SLC37A2: variants seen among roughly 807,000 people sequenced by gnomAD.
SLC37A2 encodes the protein glucose-6-phosphate exchanger SLC37A2.
Under a neutral mutation model 70.7 loss-of-function variants are expected in SLC37A2, and 59 were observed. That is an observed-to-expected ratio of 0.83 (90% confidence interval 0.68 to 1.04). The LOEUF (loss-of-function observed/expected upper bound fraction) is 1.04. SLC37A2 is among the 50% of genes least tolerant of loss of function. The pLI is 0.00. For synonymous variants in SLC37A2, 257 were observed against 262.1 expected (o/e 0.98, Z 0.19); for missense variants, 580 against 658.1 (o/e 0.88, Z 1.30).
At chr11:125,081,385 T>A (rs1165541508) in intron 7 of SLC37A2, 36 bp from the exon 8 acceptor site, 9 of 1,583,216 alleles carry the variant, frequency 5.7e-6, no homozygotes, top group Admixed American at 1.7e-5. Flanking sequence ...GGGGCGGGGG[T>A]TGGGAAACTT....
Position 125,080,705 on chromosome 11 carries a change from T to C in SLC37A2, c.619T>C (p.Trp207Arg). 6.3e-7 allele frequency: 1 copy of C among 1,580,306 alleles called. No homozygotes were observed. Among genetic ancestry groups the C allele is most frequent in the South Asian group, 1.2e-5 (1 of 86,784 alleles). The change falls in exon 7 of 18, where the codon TGG becomes CGG. Residue 207 changes from tryptophan (W) to arginine (R), a missense_variant. Trp to Arg is a moderately radical substitution (Grantham distance 101). Coordinates refer to ENST00000403796, the MANE Select transcript of SLC37A2 (RefSeq NM_001145290.2). The surrounding 1 kb of genome is among the most constrained non-coding windows in gnomAD (Gnocchi z 4.3). ...CGCCGGCATCTGGGTGAACGGGCAG[T>C]GGGGCCTGTCGTTCATCGTGCCTGG... ...LIAGIWVNGQ[W>R]GLSFIVPGII...
Position 125,080,042 on chromosome 11 carries a change from C to G in SLC37A2, c.527+282C>G, listed in dbSNP as rs1419874156. On this transcript the variant is annotated intron_variant, in intron 6 of 17. Coordinates refer to ENST00000403796, the MANE Select transcript of SLC37A2 (RefSeq NM_001145290.2). This position sits in a 1 kb window ranked among gnomAD's most constrained non-coding sequence, Gnocchi z 4.3. ...GCCTATAAAACTTCCGCCCTGCCCC[C>G]CAACCCCGACCCCGAATTGGCTTGT... 6.6e-6 allele frequency among the ~76,000 whole-genome samples: 1 copy of G among 152,178 alleles called. No individual in the cohort carries two copies. The highest frequency in any genetic ancestry group is 6.5e-5 in the Admixed American group (1 of 15,286).
intron 6 of SLC37A2, 60 bp downstream of exon 6, chr11:125,079,820 G>A: frequency 7.7e-7 from 1 of 1,298,048 alleles, no homozygotes; most frequent in East Asian, 2.4e-5. Flanking sequence ...TCCTGAGCTG[G>A]TCACCGTGGC....
Position 125,088,121 on chromosome 11 carries a change from A to G in SLC37A2, c.1493A>G (p.Tyr498Cys). ...WKVSLSRGSGYKEI is the reference protein window; with the variant it reads ...WKVSLSRGSGCKEI Reference sequence around the variant, plus strand: ...TCCCCCCTCTCCTCTTCATGCAGGTATAAAGAAATATGAGGCCCCAATTGG... The same window carrying G: ...TCCCCCCTCTCCTCTTCATGCAGGTGTAAAGAAATATGAGGCCCCAATTGG... The change falls in exon 18 of 18, where the codon TAT becomes TGT. Residue 498 changes from tyrosine (Y) to cysteine (C), a missense_variant and splice_region_variant. By Grantham distance (194) the Tyr-to-Cys change is radical (BLOSUM62 -2). Coordinates refer to ENST00000403796, the MANE Select transcript of SLC37A2 (RefSeq NM_001145290.2). 6.4e-7 allele frequency: 1 copy of G among 1,551,780 alleles called. No homozygotes were observed. Among genetic ancestry groups the G allele is most frequent in the Non-Finnish European group, 8.7e-7 (1 of 1,147,014 alleles).
chr11:125,081,927 A>G, intron 9 of SLC37A2, 21 bp downstream of exon 9: 4 of 1,583,522 alleles, frequency 2.5e-6, no homozygotes, highest in Non-Finnish European at 3.4e-6. Flanking sequence ...TGTGGAATGG[A>G]GGAAAGAGAG....
intron 9 of SLC37A2, 149 bp downstream of exon 9, chr11:125,082,055 G>A: frequency 1.9e-6 from 2 of 1,056,978 alleles, no homozygotes; most frequent in Admixed American, 2.4e-5. Context: ...GGAGGGCAGT[G>A]TGGGAGATTT....
chr11:125,067,304 T>C (rs1948991474), intron 1 of SLC37A2, among the ~76,000 whole-genome samples: 1 of 152,162 alleles, frequency 6.6e-6, no homozygotes, highest in African/African-American at 2.4e-5. Context: ...CAGTAACATT[T>C]TAAATAATAA....
At position 125,083,984 on chromosome 11, in the gene SLC37A2, A is replaced by T. The variant is rs190661441; in HGVS notation, c.1039+107A>T. The T allele has an allele frequency of 2.3e-4, 268 of 1,183,300 alleles. No homozygotes were observed. The African/African-American group carries it at 3.7e-3, about 16-fold the overall frequency. 73.3% of individuals were successfully genotyped at this position (1,183,300 alleles called of 1,614,324 possible). A position where few individuals can be genotyped will look rare whatever the true frequency, so the allele number is the denominator to read the frequency against. ...GGCTATGACCTGGGTAGGTGGCACC[A>T]GAGGAAAAATGGCTCCTGGGTTTAT... On this transcript the variant is annotated intron_variant, in intron 11 of 17. Coordinates refer to ENST00000403796, the MANE Select transcript of SLC37A2 (RefSeq NM_001145290.2). The surrounding 1 kb of genome is among the most constrained non-coding windows in gnomAD (Gnocchi z 4.6).
At chr11:125,073,650 T>C (rs1272346535) in intron 1 of SLC37A2, among the ~76,000 whole-genome samples, 2 of 152,254 alleles carry the variant, frequency 1.3e-5, no homozygotes, top group African/African-American at 2.4e-5. Flanking sequence ...GCTTTTCCAA[T>C]GAGCAAAAAG....
intron 1 of SLC37A2, among the ~76,000 whole-genome samples, chr11:125,066,293 T>G (rs911557815): frequency 2.0e-5 from 3 of 152,194 alleles, no homozygotes; most frequent in Non-Finnish European, 4.4e-5. Flanking sequence ...TCCCAGCTAC[T>G]CAAGAGGCTG....
Position 125,080,951 on chromosome 11 carries a change from A to G in SLC37A2, c.694+171A>G, listed in dbSNP as rs529989203. Among the ~76,000 whole-genome samples, 1 of 152,276 alleles carries G rather than the reference A, an allele frequency of 6.6e-6. No homozygotes were observed. Among genetic ancestry groups the G allele is most frequent in the East Asian group, 1.9e-4 (1 of 5,184 alleles). ...TCTCATTTGTAAAATAATAATAGTA[A>G]TAATAATGTCTATTTCGTAGGATTT... is the stretch of plus-strand genomic sequence containing the variant. On this transcript the variant is annotated intron_variant, in intron 7 of 17. Coordinates refer to ENST00000403796, the MANE Select transcript of SLC37A2 (RefSeq NM_001145290.2). The surrounding 1 kb of genome is among the most constrained non-coding windows in gnomAD (Gnocchi z 4.3).
At chr11:125,065,945 A>G (rs901578453) in intron 1 of SLC37A2, among the ~76,000 whole-genome samples, 1 of 152,238 alleles carries the variant, frequency 6.6e-6, no homozygotes, top group African/African-American at 2.4e-5. Context: ...AGAAAGAGAA[A>G]GGTCTTCCTT....
intron 1 of SLC37A2, among the ~76,000 whole-genome samples, chr11:125,068,695 C>T (rs1178008059): frequency 6.6e-6 from 1 of 152,170 alleles, no homozygotes; most frequent in Admixed American, 6.5e-5. Context: ...TATACATTGC[C>T]TGGTATACAG....
intron 1 of SLC37A2, among the ~76,000 whole-genome samples, chr11:125,069,360 A>G (rs1317483622): frequency 2.0e-5 from 3 of 152,232 alleles, no homozygotes; most frequent in African/African-American, 7.2e-5. Flanking sequence ...TGGGTGGGGA[A>G]AAGATTACAT....
Position 125,085,031 on chromosome 11 carries a change from T to C in SLC37A2, c.1175-35T>C, listed in dbSNP as rs763266843. ...TTGGGGTTGGGGCTGCGGGTGGTGC[T>C]GCTTCTCTGACTGGCTGTCTCTATG... On this transcript the variant is annotated intron_variant, in intron 13 of 17. Transcript: ENST00000403796. 3.1e-6 allele frequency: 5 copies of C among 1,611,554 alleles called. No homozygotes were observed. The Admixed American group carries it at 6.7e-5, about 21-fold the overall frequency.
rs1420172814 is a variant in SLC37A2, at chr11:125,080,144, T to C, written c.527+384T>C. Among the ~76,000 whole-genome samples, 1 of 152,192 alleles carries C rather than the reference T, an allele frequency of 6.6e-6. No individual in the cohort carries two copies. The highest frequency in any genetic ancestry group is 1.9e-4 in the East Asian group (1 of 5,190). ...ACTTTCTGGGCTATTGGACCCTTGT[T>C]TGGGGACTGTCCTACCACTGCAGGC... On this transcript the variant is annotated intron_variant, in intron 6 of 17. Coordinates refer to ENST00000403796, the MANE Select transcript of SLC37A2 (RefSeq NM_001145290.2). The surrounding 1 kb of genome is among the most constrained non-coding windows in gnomAD (Gnocchi z 4.3).
chr11:125,063,704 G>C lies in SLC37A2; in HGVS notation c.59+278G>C, dbSNP rs1341163173. 1.3e-5 allele frequency among the ~76,000 whole-genome samples: 2 copies of C among 152,216 alleles called. No individual in the cohort carries two copies. The highest frequency in any genetic ancestry group is 1.5e-5 in the Non-Finnish European group (1 of 68,034). Reference sequence around the variant, plus strand: ...CCAGGGAGGGTCTCCATCGTTTCCCGTTTCCATCCTCCCCTCCTAACACAC... The same window carrying C: ...CCAGGGAGGGTCTCCATCGTTTCCCCTTTCCATCCTCCCCTCCTAACACAC... On this transcript the variant is annotated intron_variant, in intron 1 of 17. Transcript: ENST00000403796. This position sits in a 1 kb window ranked among gnomAD's most constrained non-coding sequence, Gnocchi z 5.4.
rs1417981053 is a variant in SLC37A2, at chr11:125,089,094, C to T, written c.*960C>T. On this transcript the variant is annotated 3_prime_UTR_variant, in exon 18 of 18. Coordinates refer to ENST00000403796, the MANE Select transcript of SLC37A2 (RefSeq NM_001145290.2). The stretch of plus-strand genomic sequence containing the variant: ...TGCTGCAGATGTGGTCACCTGGTGC[C>T]ATCTGCTGCTCCCTTTTCCACTTTT... 1.3e-5 allele frequency: 2 copies of T among 152,282 alleles called. No individual in the cohort carries two copies. The highest frequency in any genetic ancestry group is 2.4e-5 in the African/African-American group (1 of 41,458). 9.4% of individuals were successfully genotyped at this position (152,282 alleles called of 1,614,324 possible). A position where few individuals can be genotyped will look rare whatever the true frequency, so the allele number is the denominator to read the frequency against.
chr11:125,083,740 A>G lies in SLC37A2; in HGVS notation c.977-75A>G, dbSNP rs1591634092. 1.2e-5 allele frequency: 16 copies of G among 1,339,208 alleles called. No homozygotes were observed. Among genetic ancestry groups the G allele is most frequent in the Non-Finnish European group, 1.6e-5 (15 of 930,034 alleles). The allele number at this position is 1,339,208 out of a possible 1,614,324, so 83.0% of individuals were successfully genotyped here. ...GGCAGTGGTCTGGATCACGCTCTGC[A>G]GGGCTTCTAGCTGTGACACTCCAGG... On this transcript the variant is annotated intron_variant, in intron 10 of 17. Coordinates refer to ENST00000403796, the MANE Select transcript of SLC37A2 (RefSeq NM_001145290.2). This position sits in a 1 kb window ranked among gnomAD's most constrained non-coding sequence, Gnocchi z 4.6.
Sources: gnomAD v4.1 joint callset for allele counts (sites outside exome capture counted in the v4.1 genomes callset) on GRCh38, gnomAD v4.1.1 for gene constraint, Gnocchi (gnomAD v3.1) non-coding constraint, MANE v1.5 for transcripts, NCBI Gene and HGNC (gene_info 2026-07-23, HGNC 2026-07-21) for gene names.